Variants in TTN observed in about 807,000 individuals in gnomAD.
The protein encoded by TTN is titin, also known as connectin.
Under a neutral mutation model 3,223.0 loss-of-function variants are expected in TTN, and 1,525 were observed. The observed-to-expected ratio is 0.47, with a 90% CI of 0.45 to 0.49. TTN has a LOEUF of 0.49. TTN is among the 20% of genes least tolerant of loss of function. TTN has a pLI of 0.00. For missense variants in TTN, 40,786 were observed against 43,424.0 expected (o/e 0.94, Z 5.40); for synonymous variants, 14,094 against 15,161.0 (o/e 0.93, Z 5.17).
At position 178,592,809 on chromosome 2, in the gene TTN, A is replaced by G; in HGVS notation, c.59310T>C (p.His19770=). 1 of 1,613,526 alleles carries G rather than the reference A, an allele frequency of 6.2e-7. No individual in the cohort carries two copies. Residue 19770 remains histidine (H), a synonymous_variant, in exon 300 of 363, where the codon CAT becomes CAC. Transcript: ENST00000589042. The part of the protein sequence containing the change: ...VNAAGESDPA[H]VPEPVLVKDR... ...CTTTTACTAGGACTGGCTCCGGAAC[A>G]TGAGCTGGATCTGATTCACCAGCTG...
At position 178,608,872 on chromosome 2, in the gene TTN, T is replaced by A. The variant is rs373305248; in HGVS notation, c.52139A>T (p.Asp17380Val). 9.3e-5 allele frequency: 150 copies of A among 1,611,304 alleles called. No individual in the cohort carries two copies. Among genetic ancestry groups the A allele is most frequent in the Non-Finnish European group, 1.2e-4 (147 of 1,179,184 alleles). The change falls in exon 274 of 363, where the codon GAT becomes GTT. Residue 17380 changes from aspartate (D) to valine (V), a missense_variant. Transcript: ENST00000589042. ...ACAAAGGACTGAGGTCTTTCTGATA[T>A]CTTCAAATACAAAGTTGATTGGTGG... ...PGPPINFVFE[D>V]IRKTSVLCKW...
chr2:178,645,862 G>C (rs554165901), intron 217 of TTN, 58 bp downstream of exon 217: 1 of 1,101,652 alleles, frequency 9.1e-7, no homozygotes, highest in African/African-American at 1.6e-5. Flanking sequence ...CATCATTTCA[G>C]ATGGCTGGAT....
rs2050662360 is a variant in TTN at position 178,593,393 on chromosome 2, A to G, written c.58815T>C (p.Asp19605=). 2 of 1,613,322 alleles carry G rather than the reference A, an allele frequency of 1.2e-6. No homozygotes were observed. Among genetic ancestry groups the G allele is most frequent in the Non-Finnish European group, 1.7e-6 (2 of 1,179,554 alleles). Residue 19605 remains aspartate, a synonymous_variant, in exon 299 of 363, where the codon GAT becomes GAC. Transcript: ENST00000589042. ...SALVTWNKPH[D]GGKPITNYIL... is the part of the protein sequence containing the mutation. ...TGTAGTTTGTGATGGGTTTTCCTCC[A>G]TCATGTGGCTTATTCCAGGTTACTA...
Position 178,544,178 on chromosome 2 carries a change from C to T in TTN, c.96028+23G>A. 5.6e-6 allele frequency: 9 copies of T among 1,607,138 alleles called. No individual in the cohort carries two copies. The Middle Eastern group carries it at 1.5e-3, about 267-fold the overall frequency. On this transcript the variant is annotated intron_variant, in intron 345 of 362. Coordinates refer to ENST00000589042, the MANE Select transcript of TTN (RefSeq NM_001267550.2). ...CAGGTGTGAGAAGAAAATAATTCAC[C>T]TAAAAGCTTCTGTGATAAATACCTA...
At position 178,735,511 on chromosome 2, in the gene TTN, C is replaced by A; in HGVS notation, c.14935G>T (p.Glu4979Ter). 6.4e-7 allele frequency: 1 copy of A among 1,566,568 alleles called. No homozygotes were observed. Among genetic ancestry groups the A allele is most frequent in the Non-Finnish European group, 8.6e-7 (1 of 1,161,096 alleles). The change falls in exon 50 of 363, where the codon GAG becomes TAG. Residue 4979 changes from glutamate to a stop codon, truncating the protein, a stop_gained and splice_region_variant. Coordinates refer to ENST00000589042, the MANE Select transcript of TTN (RefSeq NM_001267550.2). LOFTEE classifies it high-confidence loss of function. ...SSCSATVTVR[E>*]PPSFVKKVDP... ...GAAAATACATTCACACGTTTCTTAC[C>A]TCTGACAGTGACTGTGGCTGAGCAG...
chr2:178,683,097 A>G (rs2069873574), intron 134 of TTN, 114 bp downstream of exon 134: 1 of 965,600 alleles, frequency 1.0e-6, no homozygotes, highest in Non-Finnish European at 1.6e-6. Flanking sequence ...AATGTTATAT[A>G]CCCTGCCCTT....
intron 1 of TTN, among the ~76,000 whole-genome samples, chr2:178,805,592 C>T (rs531601691): frequency 3.9e-5 from 6 of 152,156 alleles, no homozygotes; most frequent in Admixed American, 2.0e-4. Context: ...TTTTTGTAGA[C>T]GGCATACGGT....
At position 178,757,793 on chromosome 2, in the gene TTN, A is replaced by C; in HGVS notation, c.10427T>G (p.Val3476Gly). ...AAATCTGACTGTCTCCCCGTTGTGC[A>C]CCCTGAGGCTTGACAGAGGCTGGAT... is the stretch of plus-strand genomic sequence containing the variant. ...SFIQPLSSLR[V>G]HNGETVRFHA... Residue 3476 changes from valine (V) to glycine (G), a missense_variant, in exon 45 of 363, where the codon GTG becomes GGG. Val to Gly is a moderately radical substitution (Grantham distance 109). Coordinates refer to ENST00000589042, the MANE Select transcript of TTN (RefSeq NM_001267550.2). 1 of 1,613,334 alleles carries C rather than the reference A, an allele frequency of 6.2e-7. No homozygotes were observed. Among genetic ancestry groups the C allele is most frequent in the Non-Finnish European group, 8.5e-7 (1 of 1,179,482 alleles).
chr2:178,582,625 G>C, intron 313 of TTN, 33 bp from the exon 314 acceptor site: 1 of 1,567,356 alleles, frequency 6.4e-7, no homozygotes, highest in Non-Finnish European at 8.7e-7. Flanking sequence ...TGAATATGTG[G>C]AATGGGGAAT....
Position 178,649,346 on chromosome 2 carries a change from G to A in TTN, c.39974-15C>T, listed in dbSNP as rs2154247753. On this transcript the variant is annotated splice_polypyrimidine_tract_variant and intron_variant, in intron 212 of 362. Transcript: ENST00000589042. ...CACCTCAGGCACTTTGAAGATATTA[G>A]TTTTGTTTTAAAAATAGTATTTAAA... The A allele has an allele frequency of 7.0e-7, 1 of 1,419,750 alleles. No individual in the cohort carries two copies. The highest frequency in any genetic ancestry group is 9.2e-7 in the Non-Finnish European group (1 of 1,087,994). The allele number at this position is 1,419,750 out of a possible 1,614,324, so 87.9% of individuals were successfully genotyped here.
intron 14 of TTN, 38 bp from the exon 15 acceptor site, chr2:178,785,780 C>T (rs1381898263): frequency 1.2e-6 from 2 of 1,613,974 alleles, no homozygotes; most frequent in Non-Finnish European, 1.7e-6. Flanking sequence ...CATTGATCAC[C>T]AGATGACCAC....
Position 178,636,501 on chromosome 2 carries a change from C to T in TTN, c.41226G>A (p.Lys13742=). ...HRFIADGKDR[K]LHIIDVQLSD... ...AAAGTTGAACATCAATGATGTGCAG[C>T]TTTCTGTCTTTACCATCTGCAATAA... The change falls in exon 225 of 363, where the codon AAG becomes AAA. Residue 13742 remains lysine, a synonymous_variant. Transcript: ENST00000589042. This position sits in a 1 kb window ranked among gnomAD's most constrained non-coding sequence, Gnocchi z 4.3. 1 of 1,613,486 alleles carries T rather than the reference C, an allele frequency of 6.2e-7. No individual in the cohort carries two copies. The highest frequency in any genetic ancestry group is 2.2e-5 in the East Asian group (1 of 44,776).
intron 45 of TTN, among the ~76,000 whole-genome samples, chr2:178,757,227 A>T (rs2087480691): frequency 6.7e-6 from 1 of 150,194 alleles, no homozygotes; most frequent in African/African-American, 2.4e-5. Flanking sequence ...ACAGTAAGTA[A>T]TAATCAGCAA....
At position 178,741,087 on chromosome 2, in the gene TTN, G is replaced by A; in HGVS notation, c.12146C>T (p.Pro4049Leu). 1 of 1,613,866 alleles carries A rather than the reference G, an allele frequency of 6.2e-7. No homozygotes were observed. Among genetic ancestry groups the A allele is most frequent in the Non-Finnish European group, 8.5e-7 (1 of 1,179,836 alleles). The part of the protein sequence containing the change: ...PCKAKSTPEA[P>L]EDFPQTPLKG... ...TAAGGGTGTCTGTGGAAAATCCTCA[G>A]GAGCCTCTGGTGTGGACTTTGCTTT... Residue 4049 changes from proline (P) to leucine (L), a missense_variant, in exon 48 of 363, where the codon CCT becomes CTT. Physicochemically the swap from Pro to Leu is moderately conservative, Grantham distance 98 (BLOSUM62 -3). Transcript: ENST00000589042.
intron 47 of TTN, chr2:178,745,964 A>G (rs142371552): frequency 1.2e-6 from 2 of 1,610,142 alleles, no homozygotes; most frequent in African/African-American, 1.3e-5. Context: ...TTTCTTTGCT[A>G]TCACAGCAAA....
Position 178,553,784 on chromosome 2 carries a change from T to C in TTN, c.89221A>G (p.Ile29741Val), listed in dbSNP as rs751436345. 6 of 1,601,690 alleles carry C rather than the reference T, an allele frequency of 3.7e-6. No homozygotes were observed. Among genetic ancestry groups the C allele is most frequent in the Non-Finnish European group, 5.1e-6 (6 of 1,172,776 alleles). The change falls in exon 334 of 363, where the codon ATA becomes GTA. Residue 29741 changes from isoleucine (I) to valine (V), a missense_variant. Ile to Val is a conservative substitution (Grantham distance 29). Transcript: ENST00000589042. ...GACTTGGTTGAATCTGCGATTCTTA[T>C]CTTAGCAGGTGGACCTGGAGGATCT... ...PIDPPGPPAKIRIADSTKSSI... is the reference protein window; with the variant it reads ...PIDPPGPPAKVRIADSTKSSI...
rs751301413 is a variant in TTN at position 178,529,253 on chromosome 2, T to G, written c.106532-34A>C. The G allele has an allele frequency of 1.5e-5, 21 of 1,381,992 alleles. No individual in the cohort carries two copies. The Admixed American group carries it at 6.1e-4, about 40-fold the overall frequency. The allele number at this position is 1,381,992 out of a possible 1,614,324, so 85.6% of individuals were successfully genotyped here. A position where few individuals can be genotyped will look rare whatever the true frequency, so the allele number is the denominator to read the frequency against. On this transcript the variant is annotated intron_variant, in intron 359 of 362. Transcript: ENST00000589042. ...GAAACCTCTGTAAGGCAAACTTAAT[T>G]AGAAAGAGACCCCCACCTTTTACTC...
chr2:178,536,401 T>G lies in TTN; in HGVS notation c.100346A>C (p.Glu33449Ala), dbSNP rs1218969890. 3.7e-6 allele frequency: 6 copies of G among 1,613,620 alleles called. No individual in the cohort carries two copies. The highest frequency in any genetic ancestry group is 4.2e-6 in the Non-Finnish European group (5 of 1,179,756). Residue 33449 changes from glutamate (E) to alanine (A), a missense_variant, in exon 357 of 363, where the codon GAA becomes GCA. Physicochemically the swap from Glu to Ala is moderately radical, Grantham distance 107. Coordinates refer to ENST00000589042, the MANE Select transcript of TTN (RefSeq NM_001267550.2). ...AAGGTTTTTCACTGAAAAGACAGTT[T>G]CTCGAATTTCTTCTGTTGTCACAGA... ...WISVTTEEIR[E>A]TVFSVKNLIE... is the part of the protein sequence containing the mutation.
chr2:178,666,828 T>C lies in TTN; in HGVS notation c.35871A>G (p.Pro11957=), dbSNP rs1272709288. The change falls in exon 163 of 363, where the codon CCA becomes CCG. Residue 11957 remains proline (P), a synonymous_variant. Transcript: ENST00000589042. ...PIVKRRKTPS[P]TVPESPREIV... ...TGACTTTCTTCCAACTTGTACCTGTTGGTGATGGTGTTTTTCTTCTTTTAA... is the reference window on the plus strand; with the variant it reads ...TGACTTTCTTCCAACTTGTACCTGTCGGTGATGGTGTTTTTCTTCTTTTAA... The C allele has an allele frequency of 6.4e-7, 1 of 1,564,948 alleles. No homozygotes were observed. The highest frequency in any genetic ancestry group is 8.7e-7 in the Non-Finnish European group (1 of 1,154,540).
Sources: gnomAD v4.1 joint callset for allele counts (sites outside exome capture counted in the v4.1 genomes callset) on GRCh38, gnomAD v4.1.1 for gene constraint, Gnocchi (gnomAD v3.1) non-coding constraint, MANE v1.5 for transcripts, NCBI Gene and HGNC (gene_info 2026-07-23, HGNC 2026-07-21) for gene names.